CFAP36: variants seen among roughly 807,000 people sequenced by gnomAD.
The protein encoded by CFAP36 is cilia- and flagella-associated protein 36.
Under a neutral mutation model 50.5 loss-of-function variants are expected in CFAP36, and 37 were observed. The ratio of observed to expected loss-of-function variants is 0.73; its 90% CI spans 0.56 to 0.96. The LOEUF (loss-of-function observed/expected upper bound fraction) is 0.96, where lower values mean the gene tolerates loss of function less well. Among genes scored for constraint, CFAP36 ranks in the 50% least tolerant of loss-of-function variants. The probability of loss-of-function intolerance (pLI) is 0.00; values close to 1 mark genes in which losing one functional copy is unlikely to be tolerated. For missense variants in CFAP36, 407 were observed against 396.2 expected, an observed-to-expected ratio of 1.03 and a Z score of -0.23; for synonymous variants, 138 against 128.2, an observed-to-expected ratio of 1.08 and a Z score of -0.52.
intron 9 of CFAP36, 22 bp downstream of exon 9, chr2:55,544,391 C>T (rs1453048863): frequency 6.3e-7 from 1 of 1,579,206 alleles, no homozygotes; most frequent in Non-Finnish European, 8.6e-7. Flanking sequence ...CTTAATATGT[C>T]AAGATTTACA....
At chr2:55,544,468 G>T in intron 9 of CFAP36, 99 bp downstream of exon 9, 1 of 1,241,110 alleles carries the variant, frequency 8.1e-7, no homozygotes, top group Non-Finnish European at 1.1e-6. Flanking sequence ...TTTGCTTGCA[G>T]ACCCATTCAT....
At chr2:55,520,571 T>G in intron 1 of CFAP36, 1 of 946,716 alleles carries the variant, frequency 1.1e-6, no homozygotes, top group Non-Finnish European at 1.5e-6. Context: ...TGGCATAATA[T>G]TCCCCGTGAA....
At chr2:55,541,418 T>A (rs1452348201) in intron 7 of CFAP36, among the ~76,000 whole-genome samples, 1 of 152,266 alleles carries the variant, frequency 6.6e-6, no homozygotes, top group Non-Finnish European at 1.5e-5. Flanking sequence ...CTCATATAGA[T>A]CTTGTGCATA....
chr2:55,534,913 G>T (rs1274385560), intron 5 of CFAP36, among the ~76,000 whole-genome samples: 3 of 152,214 alleles, frequency 2.0e-5, no homozygotes, highest in South Asian at 4.1e-4. Context: ...GGAGAGGGTA[G>T]CAGATATGCA....
chr2:55,532,159 A>G (rs1684369238), intron 4 of CFAP36, among the ~76,000 whole-genome samples: 1 of 151,580 alleles, frequency 6.6e-6, no homozygotes, highest in South Asian at 2.1e-4. Flanking sequence ...CTATGATAGT[A>G]CCACTGCGTG....
chr2:55,537,320 A>G (rs34013926), intron 6 of CFAP36, among the ~76,000 whole-genome samples, 163 bp from the exon 7 acceptor site: 33,407 of 151,962 alleles, frequency 0.22, 3,785 homozygotes, highest in East Asian at 0.34. Context: ...GCAGTGAGTC[A>G]GGATCACACT....
chr2:55,541,568 C>G (rs1442416079), intron 7 of CFAP36, among the ~76,000 whole-genome samples: 2 of 151,978 alleles, frequency 1.3e-5, no homozygotes, highest in African/African-American at 4.8e-5. Context: ...TATCCTGTAA[C>G]CTTGCTATAT....
intron 1 of CFAP36, chr2:55,520,483 A>G: frequency 1.3e-6 from 2 of 1,542,484 alleles, no homozygotes; most frequent in African/African-American, 2.8e-5. Flanking sequence ...CCCCTTGGTG[A>G]GCTCTCTACT....
chr2:55,532,948 C>G (rs567728767), intron 4 of CFAP36, among the ~76,000 whole-genome samples: 1 of 152,302 alleles, frequency 6.6e-6, no homozygotes, highest in African/African-American at 2.4e-5. Flanking sequence ...TTCTTGGGCT[C>G]AAGTTGCTAC....
At position 55,528,901 on chromosome 2, in the gene CFAP36, A is replaced by G. The variant is rs769026778; in HGVS notation, c.306A>G (p.Ala102=). 84 of 1,608,422 alleles carry G rather than the reference A, an allele frequency of 5.2e-5. No individual in the cohort carries two copies. Among genetic ancestry groups the G allele is most frequent in the Non-Finnish European group, 6.3e-5 (74 of 1,177,718 alleles). Residue 102 remains alanine (A), a synonymous_variant, in exon 4 of 10, where the codon GCA becomes GCG. Transcript: ENST00000349456. The part of the protein sequence containing the change: ...TSQAILQPVL[A]AEDFTIFKAM... ...AGGCCATTTTGCAACCTGTGTTGGCAGCAGAAGATTTTACTATCTTTAAAG... is the reference window on the plus strand; with the variant it reads ...AGGCCATTTTGCAACCTGTGTTGGCGGCAGAAGATTTTACTATCTTTAAAG...
At chr2:55,540,858 C>T (rs1000500728) in intron 7 of CFAP36, among the ~76,000 whole-genome samples, 3 of 151,504 alleles carry the variant, frequency 2.0e-5, no homozygotes, top group Non-Finnish European at 4.4e-5. Flanking sequence ...AAAAAAAATA[C>T]AAAAATTAGC....
chr2:55,543,064 A>G (rs1055300246), intron 7 of CFAP36, among the ~76,000 whole-genome samples: 2 of 147,040 alleles, frequency 1.4e-5, no homozygotes, highest in Non-Finnish European at 3.0e-5. Flanking sequence ...CTGGCAAGGT[A>G]TTTTTTTTTT....
At chr2:55,538,743 CTTCT>C in intron 7 of CFAP36, 1 of 1,454,820 alleles carries the variant, frequency 6.9e-7, no homozygotes, top group Non-Finnish European at 9.4e-7. Context: ...GTACCCATCC[CTTCT>C]TTTTTTTTTT....
Position 55,544,935 on chromosome 2 carries a change from CAGAGG to C in CFAP36, c.960_964del (p.Glu321AlafsTer19). 1 of 1,604,350 alleles carries C rather than the reference CAGAGG, an allele frequency of 6.2e-7. No individual in the cohort carries two copies. The highest frequency in any genetic ancestry group is 8.5e-7 in the Non-Finnish European group (1 of 1,176,880). On this transcript the variant is annotated frameshift_variant, in exon 10 of 10. Coordinates refer to ENST00000349456, the MANE Select transcript of CFAP36 (RefSeq NM_080667.7). LOFTEE classifies it high-confidence loss of function. ...ATGACAGAGAAACCAGAAATGACAG[CAGAGG>C]AGAAGCAAACATTACTAAAGAGGAG...
rs1184755033 is a variant in CFAP36, at chr2:55,544,010, C to G, written c.713C>G (p.Ser238Cys). 1 of 1,613,578 alleles carries G rather than the reference C, an allele frequency of 6.2e-7. No homozygotes were observed. The highest frequency in any genetic ancestry group is 8.5e-7 in the Non-Finnish European group (1 of 1,179,698). The change falls in exon 8 of 10, where the codon TCC (serine) becomes TGC (cysteine). Residue 238 changes from serine (S) to cysteine (C), a missense_variant. Transcript: ENST00000349456. ...AAAGTGGAAAGGTCTGAAACTTCCT[C>G]CCTCCCACAAAAAGACCTGAAGATT... ...GRKVERSETS[S>C]LPQKDLKIPG...
chr2:55,537,547 C>G lies in CFAP36; in HGVS notation c.602C>G (p.Ser201Cys). 2 of 1,613,502 alleles carry G rather than the reference C, an allele frequency of 1.2e-6. No homozygotes were observed. The highest frequency in any genetic ancestry group is 1.7e-6 in the Non-Finnish European group (2 of 1,179,752). The part of the protein sequence containing the change: ...HSSEAAIMNN[S>C]QGDGEHFAHP... Reference sequence around the variant, plus strand: ...AGTGAAGCTGCAATAATGAATAATTCCCAAGGGGATGGTGAACATTTTGCA... The same window carrying G: ...AGTGAAGCTGCAATAATGAATAATTGCCAAGGGGATGGTGAACATTTTGCA... The change falls in exon 7 of 10, where the codon TCC becomes TGC. Residue 201 changes from serine (S) to cysteine (C), a missense_variant. By Grantham distance (112) the Ser-to-Cys change is moderately radical. Transcript: ENST00000349456.
intron 6 of CFAP36, among the ~76,000 whole-genome samples, chr2:55,536,087 A>G (rs116906796): frequency 1.3e-5 from 2 of 151,514 alleles, no homozygotes; most frequent in South Asian, 4.2e-4. Flanking sequence ...AACTTTTTAT[A>G]CTTTTTTCTC....
In CFAP36 at chr2:55,519,751, G is replaced by C; in HGVS notation, c.-51G>C. On this transcript the variant is annotated 5_prime_UTR_variant, in exon 1 of 10. Coordinates refer to ENST00000349456, the MANE Select transcript of CFAP36 (RefSeq NM_080667.7). ...TCCTTGTGGCCCAAAGGCCTAACCG[G>C]GGTCCGGCGGTCTGGCCTAGGGATC... 6.3e-7 allele frequency: 1 copy of C among 1,586,482 alleles called. No homozygotes were observed. Among genetic ancestry groups the C allele is most frequent in the Non-Finnish European group, 8.7e-7 (1 of 1,155,496 alleles).
intron 4 of CFAP36, among the ~76,000 whole-genome samples, chr2:55,529,954 G>C (rs979656321): frequency 6.6e-6 from 1 of 152,306 alleles, no homozygotes; most frequent in African/African-American, 2.4e-5. Flanking sequence ...CATTGGAAAT[G>C]GTTGGAGGGC....
Sources: allele counts gnomAD v4.1 joint callset (sites outside exome capture counted in the v4.1 genomes callset), GRCh38; gene constraint gnomAD v4.1.1; transcripts MANE v1.5; gene names NCBI Gene and HGNC (gene_info 2026-07-23, HGNC 2026-07-21).